The following SLC28A1 variants were observed in gnomAD, a reference collection of about 807,000 sequenced individuals.
SLC28A1 encodes the protein sodium/nucleoside cotransporter 1.
In SLC28A1, 64 loss-of-function variants were observed where a neutral mutation model predicts 74.8. The ratio of observed to expected loss-of-function variants is 0.86; its 90% CI spans 0.70 to 1.05. The LOEUF (loss-of-function observed/expected upper bound fraction) is 1.05, where lower values mean the gene tolerates loss of function less well. SLC28A1 is among the 50% of genes least tolerant of loss of function. The pLI is 0.00. For missense variants in SLC28A1, 828 were observed against 822.8 expected (o/e 1.01, Z -0.08); for synonymous variants, 359 against 335.0 (o/e 1.07, Z -0.78).
intron 1 of SLC28A1, among the ~76,000 whole-genome samples, chr15:84,885,608 G>C (rs1023065411): frequency 6.6e-6 from 1 of 151,612 alleles, no homozygotes; most frequent in Non-Finnish European, 1.5e-5. Flanking sequence ...GCGCATGCCT[G>C]TAATCACAGC....
At chr15:84,962,605 T>A in the SLC28A1 span, among the ~76,000 whole-genome samples, 33 of 151,454 alleles carry the variant, frequency 2.2e-4, no homozygotes, top group Non-Finnish European at 3.5e-4. Flanking sequence ...GCCTGGCCAA[T>A]GTTTTGTATT....
chr15:84,895,610 C>T, intron 6 of SLC28A1: 1 of 1,485,742 alleles, frequency 6.7e-7, no homozygotes, highest in Non-Finnish European at 9.0e-7. Flanking sequence ...CCTTGGAGCG[C>T]TGGAAATCTC....
chr15:84,915,151 C>T (rs1567153853), intron 9 of SLC28A1, among the ~76,000 whole-genome samples: 1 of 152,162 alleles, frequency 6.6e-6, no homozygotes, highest in African/African-American at 2.4e-5. Context: ...TGTCATCCTA[C>T]CCGTGCTGGA....
At chr15:84,903,519 C>G (rs967540585) in intron 6 of SLC28A1, among the ~76,000 whole-genome samples, 65 of 152,344 alleles carry the variant, frequency 4.3e-4, no homozygotes, top group African/African-American at 1.6e-3. Context: ...CCTGAATTCT[C>G]CCACCCTTCA....
intron 15 of SLC28A1, among the ~76,000 whole-genome samples, chr15:84,940,234 G>A (rs1972493544): frequency 6.6e-6 from 1 of 152,122 alleles, no homozygotes; most frequent in Admixed American, 6.5e-5. Flanking sequence ...TGTGTGCTGT[G>A]TGCCAACAAG....
the SLC28A1 span, among the ~76,000 whole-genome samples, chr15:84,970,116 G>T: frequency 1.3e-5 from 2 of 152,206 alleles, no homozygotes; most frequent in South Asian, 2.1e-4. Flanking sequence ...GGACAGGGAC[G>T]CAAGTTCTTT....
chr15:84,933,061 GC>G (rs1358858374), intron 12 of SLC28A1, 83 bp from the exon 13 acceptor site: 1 of 1,380,954 alleles, frequency 7.2e-7, no homozygotes, highest in African/African-American at 1.4e-5. Flanking sequence ...CTACACATGT[GC>G]CCTTGCTGCC....
At chr15:84,899,807 C>T (rs556958718) in intron 6 of SLC28A1, among the ~76,000 whole-genome samples, 4 of 151,992 alleles carry the variant, frequency 2.6e-5, no homozygotes, top group African/African-American at 4.8e-5. Context: ...AAAGGAGGAT[C>T]GCTTCAGCTT....
intron 15 of SLC28A1, among the ~76,000 whole-genome samples, chr15:84,935,945 GTTTTTGTTT>G (rs1971853074): frequency 1.2e-5 from 1 of 85,926 alleles, no homozygotes; most frequent in African/African-American, 4.4e-5. Flanking sequence ...TTTTGGTTTG[GTTTTTGTTT>G]TTTTTTTTTT....
In SLC28A1 at chr15:84,884,722, G is replaced by T. The variant is rs1964382383; in HGVS notation, c.-162G>T. 2 of 985,620 alleles carry T rather than the reference G, an allele frequency of 2.0e-6. No homozygotes were observed. Among genetic ancestry groups the T allele is most frequent in the South Asian group, 9.4e-5 (2 of 21,286 alleles). 61.1% of individuals were successfully genotyped at this position (985,620 alleles called of 1,614,324 possible). The stretch of plus-strand genomic sequence containing the variant: ...TGCTGCTGGATGTGTTGTGTTCCTG[G>T]CTTCCCTCTGGATGCTGACAGAAAC... On this transcript the variant is annotated 5_prime_UTR_variant, in exon 1 of 19. Transcript: ENST00000394573.
the SLC28A1 span, among the ~76,000 whole-genome samples, chr15:84,967,017 GT>G: frequency 6.6e-6 from 1 of 152,170 alleles, no homozygotes; most frequent in African/African-American, 2.4e-5. Context: ...CTAGTTTCAA[GT>G]GATCCTCCTG....
the SLC28A1 span, among the ~76,000 whole-genome samples, chr15:84,970,838 A>G: frequency 6.6e-6 from 1 of 152,178 alleles, no homozygotes. Context: ...TATCTACAAA[A>G]AAAAACAAAA....
chr15:84,928,582 CTTTCTT>C (rs1567172312), intron 12 of SLC28A1, among the ~76,000 whole-genome samples: 4 of 19,134 alleles, frequency 2.1e-4, no homozygotes, highest in Non-Finnish European at 2.6e-4. Flanking sequence ...TTCTTTCTTT[CTTTCTT>C]TCTTTCTTTC....
At chr15:84,885,256 C>T (rs541817989) in intron 1 of SLC28A1, among the ~76,000 whole-genome samples, 1 of 151,030 alleles carries the variant, frequency 6.6e-6, no homozygotes, top group African/African-American at 2.4e-5. Flanking sequence ...ACCGTGCCCC[C>T]CCTCTTTTTT....
chr15:84,952,623 C>T, the SLC28A1 span, among the ~76,000 whole-genome samples: 1 of 152,348 alleles, frequency 6.6e-6, no homozygotes, highest in Middle Eastern at 3.4e-3. Flanking sequence ...CGGTGGCTTA[C>T]GCCTGTAATC....
the SLC28A1 span, among the ~76,000 whole-genome samples, chr15:84,953,977 T>G: frequency 1.3e-4 from 20 of 152,332 alleles, 1 homozygote; most frequent in Admixed American, 7.2e-4. Flanking sequence ...GCTGAGTTCC[T>G]GCTTTTGTTG....
intron 12 of SLC28A1, among the ~76,000 whole-genome samples, chr15:84,924,909 TG>T (rs34427873): frequency 1.5e-3 from 46 of 31,460 alleles, no homozygotes; most frequent in African/African-American, 3.8e-3. Context: ...TTTTTTTGTT[TG>T]TTTGTTTTTG....
chr15:84,967,898 G>A, the SLC28A1 span, among the ~76,000 whole-genome samples: 1 of 152,170 alleles, frequency 6.6e-6, no homozygotes. Context: ...CAGGGTTAGG[G>A]ACAGACGCAC....
In SLC28A1 at chr15:84,918,682, G is replaced by T; in HGVS notation, c.876+78G>T. 6 of 1,129,472 alleles carry T rather than the reference G, an allele frequency of 5.3e-6. No individual in the cohort carries two copies. The South Asian group carries it at 7.4e-5, about 14-fold the overall frequency. 70.0% of individuals were successfully genotyped at this position (1,129,472 alleles called of 1,614,324 possible). A position where few individuals can be genotyped will look rare whatever the true frequency, so the allele number is the denominator to read the frequency against. Reference sequence around the variant, plus strand: ...GGTTCACACTGTCCCAGAATGCCTTGCTCCCAGAGCCCAAACCTCCCCAGA... The same window carrying T: ...GGTTCACACTGTCCCAGAATGCCTTTCTCCCAGAGCCCAAACCTCCCCAGA... On this transcript the variant is annotated intron_variant, in intron 10 of 18. Coordinates refer to ENST00000394573, the MANE Select transcript of SLC28A1 (RefSeq NM_004213.5).
Sources: gnomAD v4.1 joint callset for allele counts (sites outside exome capture counted in the v4.1 genomes callset) on GRCh38, gnomAD v4.1.1 for gene constraint, MANE v1.5 for transcripts, NCBI Gene and HGNC (gene_info 2026-07-23, HGNC 2026-07-21) for gene names.